Variants in MYO1E observed in about 807,000 individuals in gnomAD.
The protein encoded by MYO1E is myosin IE.
Under a neutral mutation model 151.1 loss-of-function variants are expected in MYO1E, and 68 were observed. The ratio of observed to expected loss-of-function variants is 0.45; its 90% CI spans 0.37 to 0.55. MYO1E has a LOEUF of 0.55. Ranked by LOEUF, MYO1E falls within the 20% of genes least tolerant of loss-of-function variation. The probability of loss-of-function intolerance (pLI) is 0.00; values close to 1 mark genes in which losing one functional copy is unlikely to be tolerated. For synonymous variants in MYO1E, 601 were observed against 501.7 expected (o/e 1.20, Z -2.64); for missense variants, 1,363 against 1,389.3 (o/e 0.98, Z 0.30).
At chr15:59,354,329 C>T (rs777680222) in intron 1 of MYO1E, among the ~76,000 whole-genome samples, 3 of 152,200 alleles carry the variant, frequency 2.0e-5, no homozygotes, top group Non-Finnish European at 2.9e-5. Context: ...AGCAAATCCT[C>T]GTCTTTAAAC....
At chr15:59,281,527 C>T (rs571249631) in intron 1 of MYO1E, among the ~76,000 whole-genome samples, 8 of 152,204 alleles carry the variant, frequency 5.3e-5, no homozygotes, top group East Asian at 1.9e-4. Flanking sequence ...CTGCCCGCCT[C>T]GGCCTCCGAG....
At chr15:59,351,273 C>A (rs1364182777) in intron 1 of MYO1E, among the ~76,000 whole-genome samples, 3 of 152,234 alleles carry the variant, frequency 2.0e-5, no homozygotes, top group Non-Finnish European at 4.4e-5. Context: ...ATGGCCTGAC[C>A]AAGGAGTGTA....
intron 1 of MYO1E, among the ~76,000 whole-genome samples, chr15:59,368,810 C>G (rs2140446068): frequency 6.6e-6 from 1 of 152,214 alleles, no homozygotes; most frequent in African/African-American, 2.4e-5. Context: ...GTGGAGGTGA[C>G]TTTCAACTTC....
intron 1 of MYO1E, among the ~76,000 whole-genome samples, chr15:59,321,256 T>C (rs1472205113): frequency 4.6e-5 from 7 of 152,240 alleles, no homozygotes; most frequent in African/African-American, 1.7e-4. Context: ...GTTCAGTCAC[T>C]GTGGAAAGCA....
intron 26 of MYO1E, among the ~76,000 whole-genome samples, chr15:59,141,610 C>T (rs1487113698): frequency 6.6e-6 from 1 of 151,964 alleles, no homozygotes; most frequent in Admixed American, 6.5e-5. Flanking sequence ...ACCAGCCTGG[C>T]CAACATGGCG....
At chr15:59,214,132 T>C (rs1159529178) in intron 12 of MYO1E, 96 bp downstream of exon 12, 78 of 1,028,208 alleles carry the variant, frequency 7.6e-5, no homozygotes, top group Non-Finnish European at 3.4e-5. Context: ...AATATAAGAC[T>C]GGAACCGAAA....
chr15:59,353,977 G>T (rs753286579), intron 1 of MYO1E, among the ~76,000 whole-genome samples: 1 of 152,068 alleles, frequency 6.6e-6, no homozygotes, highest in African/African-American at 2.4e-5. Context: ...GAAAAAATGT[G>T]CATATTTTAT....
chr15:59,153,483 A>G (rs1420076711), intron 26 of MYO1E, 107 bp downstream of exon 26: 4 of 1,288,364 alleles, frequency 3.1e-6, no homozygotes, highest in Non-Finnish European at 4.4e-6. Context: ...TGGAAAACTA[A>G]ACCTTAGAAT....
intron 18 of MYO1E, among the ~76,000 whole-genome samples, chr15:59,186,566 ACATAGCGAGACCCTGTCT>A (rs2079699361): frequency 6.6e-6 from 1 of 152,164 alleles, no homozygotes; most frequent in African/African-American, 2.4e-5. Context: ...AGCTGGGGCA[ACATAGCGAGACCCTGTCT>A]CTACGAAAAG....
At chr15:59,174,363 G>C (rs2079612453) in intron 19 of MYO1E, 123 bp from the exon 20 acceptor site, 1 of 746,322 alleles carries the variant, frequency 1.3e-6, no homozygotes, top group African/African-American at 1.7e-5. Flanking sequence ...CAGCTTCTCT[G>C]ATTCATGAAC....
intron 1 of MYO1E, among the ~76,000 whole-genome samples, chr15:59,371,146 A>G (rs2080941903): frequency 6.6e-6 from 1 of 152,356 alleles, no homozygotes; most frequent in South Asian, 2.1e-4. Flanking sequence ...ATGCCTTGAA[A>G]GGTTTCTCGT....
chr15:59,241,279 G>A (rs1160985211), intron 4 of MYO1E, among the ~76,000 whole-genome samples: 1 of 152,174 alleles, frequency 6.6e-6, no homozygotes, highest in East Asian at 1.9e-4. Context: ...CAATGTGGGA[G>A]GCCACGGGAG....
chr15:59,308,771 G>A (rs372305102), intron 1 of MYO1E, among the ~76,000 whole-genome samples: 1 of 151,080 alleles, frequency 6.6e-6, no homozygotes, highest in African/African-American at 2.4e-5. Flanking sequence ...CCCAGGAGAC[G>A]GAGGTCACAG....
chr15:59,280,183 C>G (rs2080345012), intron 1 of MYO1E, among the ~76,000 whole-genome samples: 1 of 152,164 alleles, frequency 6.6e-6, no homozygotes, highest in Admixed American at 6.5e-5. Flanking sequence ...CTTTCTTTTA[C>G]TTTCTCTGCC....
At position 59,136,765 on chromosome 15, in the gene MYO1E, C is replaced by T. The variant is rs1398815274; in HGVS notation, c.*615G>A. Reference sequence around the variant, plus strand: ...AAAGCCAGCAGCCCAGCCCCCAGCCCCCAGCCCCTGACCTGCTTGGCGGCC... The same window carrying T: ...AAAGCCAGCAGCCCAGCCCCCAGCCTCCAGCCCCTGACCTGCTTGGCGGCC... On this transcript the variant is annotated 3_prime_UTR_variant, in exon 28 of 28. Coordinates refer to ENST00000288235, the MANE Select transcript of MYO1E (RefSeq NM_004998.4). The T allele has an allele frequency of 6.6e-6, 3 of 456,514 alleles. No individual in the cohort carries two copies. Among genetic ancestry groups the T allele is most frequent in the Non-Finnish European group, 1.3e-5 (3 of 226,828 alleles). The allele number at this position is 456,514 out of a possible 1,614,324, so 28.3% of individuals were successfully genotyped here.
intron 1 of MYO1E, among the ~76,000 whole-genome samples, chr15:59,298,870 G>A (rs1309372132): frequency 6.6e-6 from 1 of 152,148 alleles, no homozygotes; most frequent in Non-Finnish European, 1.5e-5. Context: ...TTTCCACAAG[G>A]GAATCTGCTG....
At chr15:59,276,978 A>G (rs2080322950) in intron 1 of MYO1E, among the ~76,000 whole-genome samples, 1 of 152,202 alleles carries the variant, frequency 6.6e-6, no homozygotes, top group Non-Finnish European at 1.5e-5. Flanking sequence ...CTGTTCTTTG[A>G]TGCATCTGGG....
chr15:59,143,156 CG>C (rs1489879637), intron 26 of MYO1E, among the ~76,000 whole-genome samples: 1 of 152,146 alleles, frequency 6.6e-6, no homozygotes, highest in Non-Finnish European at 1.5e-5. Context: ...CGAAATTACC[CG>C]GGGAATTTGG....
Position 59,306,792 on chromosome 15 carries a change from A to C in MYO1E, c.4-34343T>G, listed in dbSNP as rs551767292. On this transcript the variant is annotated intron_variant, in intron 1 of 27. Transcript: ENST00000288235. ...GGATATTAGGGACTGACACGTTATCAACAAGGAGCCAAGATGGTGAGGCAC... is the reference window on the plus strand; with the variant it reads ...GGATATTAGGGACTGACACGTTATCCACAAGGAGCCAAGATGGTGAGGCAC... 3.9e-5 allele frequency among the ~76,000 whole-genome samples: 6 copies of C among 152,360 alleles called. No individual in the cohort carries two copies. In the South Asian group the frequency reaches 8.3e-4, roughly 21 times the overall value.
Sources: allele counts gnomAD v4.1 joint callset (sites outside exome capture counted in the v4.1 genomes callset), GRCh38; gene constraint gnomAD v4.1.1; transcripts MANE v1.5; gene names NCBI Gene and HGNC (gene_info 2026-07-23, HGNC 2026-07-21).